The following HECW1 variants were observed in gnomAD, a reference collection of about 807,000 sequenced individuals.
HECW1 encodes the protein E3 ubiquitin-protein ligase HECW1.
HECW1 carries 61 observed loss-of-function variants against 182.3 expected under a neutral mutation model. That is an observed-to-expected ratio of 0.33 (90% CI 0.27 to 0.41). HECW1 has a LOEUF of 0.41. HECW1 is among the 10% of genes least tolerant of loss of function. The pLI, the probability that HECW1 is intolerant of heterozygous loss-of-function variation, is 1.00. For missense variants in HECW1, 1,739 were observed against 2,108.9 expected (o/e 0.82, Z 3.44); for synonymous variants, 859 against 832.6 (o/e 1.03, Z -0.55).
chr7:43,440,521 A>T (rs1232869612), intron 9 of HECW1: 2 of 152,240 alleles, frequency 1.3e-5, no homozygotes, highest in Non-Finnish European at 2.9e-5. Context: ...GGGGCGATGT[A>T]TGACATGCTT....
intron 15 of HECW1, 45 bp from the exon 16 acceptor site, chr7:43,468,875 T>C (rs545688824): frequency 8.9e-6 from 14 of 1,578,302 alleles, no homozygotes; most frequent in African/African-American, 8.1e-5. Flanking sequence ...TCTATGTTTT[T>C]CCTAATTCCC....
In HECW1 at chr7:43,238,247, T is replaced by C. The variant is rs573633172; in HGVS notation, c.-31-5628T>C. Among the ~76,000 whole-genome samples, 5 of 152,266 alleles carry C rather than the reference T, an allele frequency of 3.3e-5. No homozygotes were observed. The South Asian group carries it at 1.0e-3, about 32-fold the overall frequency. Reference sequence around the variant, plus strand: ...AGCGCTGCATTGGGAGGGATGGCACTGGTGGGGAGGGGTCCCAGCTCATGG... The same window carrying C: ...AGCGCTGCATTGGGAGGGATGGCACCGGTGGGGAGGGGTCCCAGCTCATGG... On this transcript the variant is annotated intron_variant, in intron 2 of 29. Transcript: ENST00000395891.
At chr7:43,516,823 G>C (rs1253697935) in intron 24 of HECW1, among the ~76,000 whole-genome samples, 1 of 152,150 alleles carries the variant, frequency 6.6e-6, no homozygotes, top group Non-Finnish European at 1.5e-5. Flanking sequence ...ATAGCCTATT[G>C]CTCCTGGGCA....
chr7:43,336,132 C>CTCTCTCTCTCTCTCTCTCTCTT (rs1562853626), intron 5 of HECW1, among the ~76,000 whole-genome samples: 1 of 95,610 alleles, frequency 1.0e-5, no homozygotes, highest in African/African-American at 4.8e-5. Context: ...CTTTCTCTCT[C>CTCTCTCTCTCTCTCTCTCTCTT]TCTCTCTCTC....
rs558867217 is a variant in HECW1 at position 43,447,313 on chromosome 7, A to G, written c.2398+1743A>G. Reference sequence around the variant, plus strand: ...GAAACTTGGCTCAATGTAAATTTATATAAGATCATGTTTTACAAACAAAAA... The same window carrying G: ...GAAACTTGGCTCAATGTAAATTTATGTAAGATCATGTTTTACAAACAAAAA... On this transcript the variant is annotated intron_variant, in intron 11 of 29. Coordinates refer to ENST00000395891, the MANE Select transcript of HECW1 (RefSeq NM_015052.5). Among the ~76,000 whole-genome samples, 22 of 152,316 alleles carry G rather than the reference A, an allele frequency of 1.4e-4. 2 individuals carry two copies. The South Asian group carries it at 3.7e-3, about 26-fold the overall frequency.
chr7:43,519,565 A>G (rs1585171852), intron 24 of HECW1, among the ~76,000 whole-genome samples: 1 of 152,170 alleles, frequency 6.6e-6, no homozygotes, highest in African/African-American at 2.4e-5. Context: ...TTTAAAAGCT[A>G]TGCTGGACTG....
chr7:43,444,231 T>C lies in HECW1; in HGVS notation c.1059T>C (p.Ile353=), dbSNP rs773585547. 4.4e-6 allele frequency: 7 copies of C among 1,603,500 alleles called. No homozygotes were observed. The highest frequency in any genetic ancestry group is 6.0e-6 in the Non-Finnish European group (7 of 1,172,458). The change falls in exon 11 of 30, where the codon ATT becomes ATC. Residue 353 remains isoleucine (I), a synonymous_variant. Transcript: ENST00000395891. The surrounding 1 kb of genome is among the most constrained non-coding windows in gnomAD (Gnocchi z 4.3). ...TCTTACCAGCAGATGATGAGGAGAT[T>C]TCCCTGAGTACCGAGCCTGAGTCAG... ...TSSIHPDDEE[I]SLSTEPESAQ...
chr7:43,321,623 G>A (rs146401856), intron 5 of HECW1, among the ~76,000 whole-genome samples: 1 of 152,284 alleles, frequency 6.6e-6, no homozygotes, highest in Non-Finnish European at 1.5e-5. Context: ...TTCATTCAAT[G>A]TGGCATGTCA....
At chr7:43,205,699 C>T (rs1267437569) in intron 2 of HECW1, among the ~76,000 whole-genome samples, 1 of 152,192 alleles carries the variant, frequency 6.6e-6, no homozygotes, top group African/African-American at 2.4e-5. Flanking sequence ...ACAGCTGCTT[C>T]AGCTGTTCAA....
intron 17 of HECW1, among the ~76,000 whole-genome samples, chr7:43,483,220 C>G (rs1431654923): frequency 6.6e-6 from 1 of 152,182 alleles, no homozygotes; most frequent in Admixed American, 6.5e-5. Flanking sequence ...GTGAAGTCAT[C>G]TCTAAAACAC....
At chr7:43,405,453 C>T (rs1284403481) in intron 7 of HECW1, among the ~76,000 whole-genome samples, 2 of 152,156 alleles carry the variant, frequency 1.3e-5, no homozygotes, top group South Asian at 2.1e-4. Flanking sequence ...CAGGAGCAAG[C>T]TTCCAATGGG....
chr7:43,236,706 G>A (rs1424192422), intron 2 of HECW1, among the ~76,000 whole-genome samples: 1 of 152,132 alleles, frequency 6.6e-6, no homozygotes, highest in Non-Finnish European at 1.5e-5. Context: ...AATCAAATAT[G>A]CATTTGTCTC....
At chr7:43,154,788 A>G (rs190064598) in intron 2 of HECW1, among the ~76,000 whole-genome samples, 1 of 152,302 alleles carries the variant, frequency 6.6e-6, no homozygotes, top group East Asian at 1.9e-4. Context: ...TCTAAGATGC[A>G]TTTTTGCAGA....
At chr7:43,389,647 C>T (rs972772488) in intron 6 of HECW1, among the ~76,000 whole-genome samples, 6 of 146,536 alleles carry the variant, frequency 4.1e-5, no homozygotes, top group Non-Finnish European at 9.1e-5. Context: ...TTGTTGTTGT[C>T]GTTGTTTTAA....
intron 5 of HECW1, among the ~76,000 whole-genome samples, chr7:43,357,763 T>C (rs1229521482): frequency 6.6e-6 from 1 of 151,992 alleles, no homozygotes; most frequent in Non-Finnish European, 1.5e-5. Flanking sequence ...ATAATTCAAA[T>C]GTCTCTAGCA....
intron 5 of HECW1, among the ~76,000 whole-genome samples, chr7:43,334,951 A>G (rs1811935087): frequency 6.6e-6 from 1 of 152,236 alleles, no homozygotes; most frequent in African/African-American, 2.4e-5. Flanking sequence ...ACCCTCGAAA[A>G]GAAGAGGCTT....
chr7:43,234,828 T>C (rs1203203602), intron 2 of HECW1, among the ~76,000 whole-genome samples: 2 of 152,172 alleles, frequency 1.3e-5, no homozygotes, highest in African/African-American at 4.8e-5. Context: ...GGTATGAAGT[T>C]GGCCCACCAC....
chr7:43,424,862 A>C (rs543266862), intron 8 of HECW1, among the ~76,000 whole-genome samples: 1 of 152,208 alleles, frequency 6.6e-6, no homozygotes, highest in Non-Finnish European at 1.5e-5. Context: ...TTAAAATTTT[A>C]AGCCCAGAAT....
intron 5 of HECW1, among the ~76,000 whole-genome samples, chr7:43,345,282 G>A (rs35474408): frequency 0.18 from 26,902 of 152,062 alleles, 3,142 homozygotes; most frequent in Non-Finnish European, 0.26. Flanking sequence ...CTATTAGGCC[G>A]TATACATCAA....
Sources: gnomAD v4.1 joint callset for allele counts (sites outside exome capture counted in the v4.1 genomes callset) on GRCh38, gnomAD v4.1.1 for gene constraint, Gnocchi (gnomAD v3.1) non-coding constraint, MANE v1.5 for transcripts, NCBI Gene and HGNC (gene_info 2026-07-23, HGNC 2026-07-21) for gene names.